The following NRIP1 variants were observed in gnomAD, a reference collection of about 807,000 sequenced individuals.
NRIP1 encodes nuclear receptor interacting protein 1, also known as nuclear receptor-interacting protein 1.
A neutral mutation model predicts 75.0 loss-of-function variants in NRIP1; 28 were observed. The observed-to-expected ratio is 0.37, with a 90% confidence interval of 0.28 to 0.51. NRIP1 has a LOEUF of 0.51. Ranked by LOEUF, NRIP1 falls within the 20% of genes least tolerant of loss-of-function variation. The pLI is 0.92. For synonymous variants in NRIP1, 526 were observed against 487.6 expected (o/e 1.08, Z -1.04); for missense variants, 1,435 against 1,343.7 (o/e 1.07, Z -1.06).
intron 3 of NRIP1, among the ~76,000 whole-genome samples, chr21:15,012,712 A>G (rs1385861888): frequency 6.6e-6 from 1 of 151,988 alleles, no homozygotes; most frequent in African/African-American, 2.4e-5. Flanking sequence ...TGGCCTCCCA[A>G]AGTGCTGGGA....
At chr21:14,992,238 G>T (rs1416460825) in intron 3 of NRIP1, 1 of 152,044 alleles carries the variant, frequency 6.6e-6, no homozygotes, top group Admixed American at 6.6e-5. Flanking sequence ...TTATAGAGAC[G>T]GGGTTTCGAA....
chr21:14,973,813 A>C (rs1450606479), intron 3 of NRIP1, among the ~76,000 whole-genome samples: 4 of 151,170 alleles, frequency 2.6e-5, no homozygotes, highest in African/African-American at 9.7e-5. Flanking sequence ...AGCAGCCGGG[A>C]ATACAGGTGT....
intron 1 of NRIP1, among the ~76,000 whole-genome samples, chr21:15,053,333 T>C (rs1197627295): frequency 2.0e-5 from 3 of 152,166 alleles, no homozygotes; most frequent in Non-Finnish European, 1.5e-5. Flanking sequence ...GTGTAAAATG[T>C]AAAATAAATA....
Position 15,012,445 on chromosome 21 carries a change from GTC to G in NRIP1, c.-335+1897_-335+1898del, listed in dbSNP as rs2088125741. Among the ~76,000 whole-genome samples the G allele has an allele frequency of 4.8e-5, 4 of 83,584 alleles. No homozygotes were observed. The South Asian group carries it at 1.6e-3, about 33-fold the overall frequency. 54.8% of individuals were successfully genotyped at this position (83,584 alleles called of 152,430 possible). ...AAAGTTGTTCACTATACATTATAAT[GTC>G]TTTTTTTTTTTTTTTTTTTTTTTTT... On this transcript the variant is annotated intron_variant, in intron 3 of 3. Transcript: ENST00000318948.
chr21:15,004,734 C>A (rs900213119), intron 3 of NRIP1, among the ~76,000 whole-genome samples: 2 of 152,152 alleles, frequency 1.3e-5, no homozygotes, highest in Admixed American at 6.5e-5. Context: ...AAAAGATGGT[C>A]TTCCTACATC....
intron 1 of NRIP1, among the ~76,000 whole-genome samples, chr21:15,049,131 A>G (rs1188521906): frequency 6.6e-6 from 1 of 152,166 alleles, no homozygotes; most frequent in Non-Finnish European, 1.5e-5. Context: ...ATATAGGGCC[A>G]TTATTTTCCC....
intron 3 of NRIP1, among the ~76,000 whole-genome samples, chr21:14,988,946 G>C (rs1466772252): frequency 6.6e-6 from 1 of 152,096 alleles, no homozygotes; most frequent in African/African-American, 2.4e-5. Context: ...GAGAGGAGAG[G>C]AGAGGAGAGG....
intron 3 of NRIP1, among the ~76,000 whole-genome samples, chr21:15,004,708 T>A (rs1009019803): frequency 1.2e-4 from 18 of 152,164 alleles, no homozygotes; most frequent in African/African-American, 4.3e-4. Context: ...CTAAGATTAA[T>A]TTTTTTTCCA....
At chr21:15,048,439 T>C (rs1279437396) in intron 1 of NRIP1, among the ~76,000 whole-genome samples, 1 of 152,144 alleles carries the variant, frequency 6.6e-6, no homozygotes, top group Non-Finnish European at 1.5e-5. Context: ...GTCAAAGATA[T>C]CTAGAATCTT....
intron 1 of NRIP1, among the ~76,000 whole-genome samples, chr21:15,053,364 TA>T (rs2089242195): frequency 6.6e-6 from 1 of 152,224 alleles, no homozygotes; most frequent in African/African-American, 2.4e-5. Flanking sequence ...TGGTCAAAGC[TA>T]AGCAAACACT....
chr21:14,985,543 A>G (rs145654470), intron 3 of NRIP1, among the ~76,000 whole-genome samples: 30 of 152,212 alleles, frequency 2.0e-4, no homozygotes, highest in Non-Finnish European at 3.8e-4. Context: ...CGGCCCCCCA[A>G]AGTGCTGGAA....
intron 3 of NRIP1, among the ~76,000 whole-genome samples, chr21:15,006,212 A>G (rs1036027908): frequency 2.6e-5 from 4 of 152,202 alleles, no homozygotes; most frequent in African/African-American, 9.6e-5. Context: ...TAACACAAGT[A>G]AAACAAGGTA....
chr21:14,965,139 C>A lies in NRIP1; in HGVS notation c.3054G>T (p.Leu1018Phe). The stretch of plus-strand genomic sequence containing the variant: ...ATTCTGGTCTAGACCCTGCACAGCC[C>A]AAGTGCTCAGGGAAAGTAGGACTCA... ...TPVSPTFPEH[L>F]GCAGSRPESG... is the part of the protein sequence containing the mutation. Residue 1018 changes from leucine to phenylalanine, a missense_variant, in exon 4 of 4, where the codon TTG becomes TTT. Physicochemically the swap from Leu to Phe is conservative, Grantham distance 22 (BLOSUM62 0). Transcript: ENST00000318948. 1 of 1,612,984 alleles carries A rather than the reference C, an allele frequency of 6.2e-7. No individual in the cohort carries two copies. The highest frequency in any genetic ancestry group is 8.5e-7 in the Non-Finnish European group (1 of 1,179,898).
intron 3 of NRIP1, among the ~76,000 whole-genome samples, chr21:14,972,076 C>T (rs1361534597): frequency 3.9e-5 from 6 of 152,158 alleles, no homozygotes; most frequent in Admixed American, 3.9e-4. Flanking sequence ...TCAGGTGACA[C>T]AGCAGCAACA....
intron 1 of NRIP1, among the ~76,000 whole-genome samples, chr21:15,055,135 C>G (rs538944424): frequency 2.5e-4 from 38 of 152,294 alleles, no homozygotes; most frequent in African/African-American, 8.2e-4. Flanking sequence ...ACAGTGCCCC[C>G]TCATCTTATT....
At position 14,962,015 on chromosome 21, in the gene NRIP1, T is replaced by TA. The variant is rs2086602292; in HGVS notation, c.*2700_*2701insT. The TA allele has an allele frequency of 3.6e-5, 5 of 140,512 alleles. No individual in the cohort carries two copies. Among genetic ancestry groups the TA allele is most frequent in the Admixed American group, 1.4e-4 (2 of 13,840 alleles). The allele number at this position is 140,512 out of a possible 1,614,324, so 8.7% of individuals were successfully genotyped here. A position where few individuals can be genotyped will look rare whatever the true frequency, so the allele number is the denominator to read the frequency against. On this transcript the variant is annotated 3_prime_UTR_variant, in exon 4 of 4. Transcript: ENST00000318948. ...AAGTCAATATATATATATATACATATTATATATATATATATATATATATAT... is the reference window on the plus strand; with the variant it reads ...AAGTCAATATATATATATATACATATATATATATATATATATATATATATAT...
intron 1 of NRIP1, among the ~76,000 whole-genome samples, chr21:15,056,271 A>C (rs1468267291): frequency 6.6e-6 from 1 of 151,746 alleles, no homozygotes; most frequent in Non-Finnish European, 1.5e-5. Flanking sequence ...GTGAAAGCCC[A>C]AGCAAAAGAA....
At chr21:15,008,398 TAGA>T (rs1455543040) in intron 3 of NRIP1, among the ~76,000 whole-genome samples, 2 of 152,078 alleles carry the variant, frequency 1.3e-5, no homozygotes, top group African/African-American at 2.4e-5. Flanking sequence ...CGAATCACCG[TAGA>T]AGAAGTATTA....
chr21:14,995,593 G>T (rs1417314360), intron 3 of NRIP1, among the ~76,000 whole-genome samples: 2 of 152,134 alleles, frequency 1.3e-5, no homozygotes, highest in East Asian at 1.9e-4. Flanking sequence ...ATTTAATTTT[G>T]TAAGAATTTT....
Sources: gnomAD v4.1 joint callset for allele counts (sites outside exome capture counted in the v4.1 genomes callset) on GRCh38, gnomAD v4.1.1 for gene constraint, MANE v1.5 for transcripts, NCBI Gene and HGNC (gene_info 2026-07-23, HGNC 2026-07-21) for gene names.